Variants in PCDHGA2 observed in about 807,000 individuals in gnomAD.
PCDHGA2 encodes protocadherin gamma-A2.
In PCDHGA2, 40 loss-of-function variants were observed where a neutral mutation model predicts 59.2. The observed-to-expected ratio is 0.68, with a 90% CI of 0.52 to 0.88. PCDHGA2 has a LOEUF of 0.88. Ranked by LOEUF, PCDHGA2 falls within the 40% of genes least tolerant of loss-of-function variation. The pLI is 0.00. For missense variants in PCDHGA2, 1,226 were observed against 1,204.0 expected, an observed-to-expected ratio of 1.02 and a Z score of -0.27; for synonymous variants, 560 against 526.0, an observed-to-expected ratio of 1.06 and a Z score of -0.89.
intron 1 of PCDHGA2, chr5:141,352,555 C>T (rs1448531840): frequency 6.2e-7 from 1 of 1,613,890 alleles, no homozygotes; most frequent in Non-Finnish European, 8.5e-7. Context: ...ATTCTCTCAA[C>T]CTGACACCGG....
At chr5:141,387,354 CA>C (rs1037365285) in intron 1 of PCDHGA2, among the ~76,000 whole-genome samples, 7 of 152,004 alleles carry the variant, frequency 4.6e-5, no homozygotes, top group African/African-American at 1.7e-4. Context: ...CGGTTTAGGC[CA>C]AGTCTGTGTT....
In PCDHGA2 at chr5:141,477,279, C is replaced by T. The variant is rs2099408674; in HGVS notation, c.2425-17528C>T. ...GATGCTGGCGAGAACGGGCTGGTGA[C>T]CTGCGAAGTTCCACCGGGTCTCCCT... is the stretch of plus-strand genomic sequence containing the variant. On this transcript the variant is annotated intron_variant, in intron 1 of 3. Transcript: ENST00000394576. The surrounding 1 kb of genome is among the most constrained non-coding windows in gnomAD (Gnocchi z 4.9). 6.2e-7 allele frequency: 1 copy of T among 1,614,054 alleles called. No individual in the cohort carries two copies. Among genetic ancestry groups the T allele is most frequent in the Non-Finnish European group, 8.5e-7 (1 of 1,180,050 alleles).
Position 141,431,991 on chromosome 5 carries a change from A to G in PCDHGA2, c.2425-62816A>G. 1.2e-6 allele frequency: 2 copies of G among 1,614,218 alleles called. No individual in the cohort carries two copies. The highest frequency in any genetic ancestry group is 1.7e-6 in the Non-Finnish European group (2 of 1,180,042). On this transcript the variant is annotated intron_variant, in intron 1 of 3. Transcript: ENST00000394576. The surrounding 1 kb of genome is among the most constrained non-coding windows in gnomAD (Gnocchi z 4.8). The stretch of plus-strand genomic sequence containing the variant: ...AGTTTAGTCACAGACATAGTCTTGG[A>G]TAGGGAACAGGTTCCTAGCTACAAC...
chr5:141,478,414 C>T, intron 1 of PCDHGA2: 1 of 1,613,630 alleles, frequency 6.2e-7, no homozygotes, highest in Non-Finnish European at 8.5e-7. Context: ...CCACGGACTC[C>T]CGCCGCAGCG....
intron 1 of PCDHGA2, chr5:141,389,933 G>T: frequency 1.9e-6 from 3 of 1,614,068 alleles, no homozygotes; most frequent in Non-Finnish European, 2.5e-6. Context: ...CTGACCTCCA[G>T]GCTGAGCTGC....
rs1235728365 is a variant in PCDHGA2 at position 141,485,502 on chromosome 5, C to T, written c.2425-9305C>T. ...TGCATCGTGCCCCTGGAGTTTGTCACCGAAGGTCCTTTGGAAATGTACCGA... is the reference window on the plus strand; with the variant it reads ...TGCATCGTGCCCCTGGAGTTTGTCATCGAAGGTCCTTTGGAAATGTACCGA... On this transcript the variant is annotated intron_variant, in intron 1 of 3. Transcript: ENST00000394576. This position sits in a 1 kb window ranked among gnomAD's most constrained non-coding sequence, Gnocchi z 5.7. 2 of 1,614,114 alleles carry T rather than the reference C, an allele frequency of 1.2e-6. No homozygotes were observed. Among genetic ancestry groups the T allele is most frequent in the Non-Finnish European group, 8.5e-7 (1 of 1,180,044 alleles).
At chr5:141,418,743 A>G in intron 1 of PCDHGA2, 5 of 1,613,954 alleles carry the variant, frequency 3.1e-6, no homozygotes, top group African/African-American at 1.3e-5. Context: ...TTCTCTCTGG[A>G]TTACACTACA....
intron 1 of PCDHGA2, among the ~76,000 whole-genome samples, chr5:141,461,004 T>C (rs2099006736): frequency 6.6e-6 from 1 of 151,664 alleles, no homozygotes; most frequent in Non-Finnish European, 1.5e-5. Context: ...TATGTGTATA[T>C]ATATATACCA....
chr5:141,435,838 C>T (rs1037110579), intron 1 of PCDHGA2, among the ~76,000 whole-genome samples: 1 of 152,062 alleles, frequency 6.6e-6, no homozygotes, highest in Non-Finnish European at 1.5e-5. Context: ...TGCCTATCTA[C>T]TTTGAAAGAT....
At position 141,485,800 on chromosome 5, in the gene PCDHGA2, C is replaced by T. The variant is rs1231777430; in HGVS notation, c.2425-9007C>T. On this transcript the variant is annotated intron_variant, in intron 1 of 3. Coordinates refer to ENST00000394576, the MANE Select transcript of PCDHGA2 (RefSeq NM_018915.4). This position sits in a 1 kb window ranked among gnomAD's most constrained non-coding sequence, Gnocchi z 5.7. The stretch of plus-strand genomic sequence containing the variant: ...ATCGAGAGAAGCAATCGGACTACCG[C>T]CTGGTGCTGACTGCTGTCGATGGAG... 1 of 1,614,228 alleles carries T rather than the reference C, an allele frequency of 6.2e-7. No homozygotes were observed. Among genetic ancestry groups the T allele is most frequent in the East Asian group, 2.2e-5 (1 of 44,878 alleles).
At chr5:141,402,025 AAC>A (rs1265000731) in intron 1 of PCDHGA2, among the ~76,000 whole-genome samples, 9 of 152,192 alleles carry the variant, frequency 5.9e-5, no homozygotes, top group African/African-American at 1.7e-4. Flanking sequence ...GAATCATTGA[AAC>A]ACAGTCTGTG....
chr5:141,470,671 C>T (rs2099236433), intron 1 of PCDHGA2, among the ~76,000 whole-genome samples: 1 of 152,064 alleles, frequency 6.6e-6, no homozygotes, highest in African/African-American at 2.4e-5. Context: ...TAGGGCTCTG[C>T]TGTTACCATC....
chr5:141,394,312 C>G (rs903124736), intron 1 of PCDHGA2: 3 of 1,613,908 alleles, frequency 1.9e-6, no homozygotes, highest in African/African-American at 1.3e-5. Context: ...CAGGGGGCGC[C>G]CCTGTCCTCG....
intron 1 of PCDHGA2, chr5:141,377,304 A>G (rs1051630740): frequency 2.6e-5 from 4 of 152,154 alleles, no homozygotes; most frequent in African/African-American, 9.7e-5. Context: ...GGTCAGTGTT[A>G]AAGATCAAGA....
chr5:141,389,135 T>C (rs547733890), intron 1 of PCDHGA2: 2 of 1,613,982 alleles, frequency 1.2e-6, no homozygotes, highest in Admixed American at 1.7e-5. Context: ...CAGAGTACAA[T>C]ATAACCGTTA....
intron 1 of PCDHGA2, chr5:141,364,540 T>C (rs1380715716): frequency 1.9e-6 from 3 of 1,614,050 alleles, no homozygotes; most frequent in Admixed American, 1.7e-5. Flanking sequence ...TCTCCAGAGG[T>C]AGGACGCAGC....
At position 141,410,845 on chromosome 5, in the gene PCDHGA2, TTGTC is replaced by T. The variant is rs1434874838; in HGVS notation, c.2424+69452_2424+69455del. 23 of 429,726 alleles carry T rather than the reference TTGTC, an allele frequency of 5.4e-5. 1 individual carries two copies. Among genetic ancestry groups the T allele is most frequent in the Admixed American group, 8.8e-5 (2 of 22,654 alleles). The allele number at this position is 429,726 out of a possible 1,614,324, so 26.6% of individuals were successfully genotyped here. A position where few individuals can be genotyped will look rare whatever the true frequency, so the allele number is the denominator to read the frequency against. Reference sequence around the variant, plus strand: ...TCACCAGACTGAAGATATTTTGTCTTTGTCTTTTTTTTTTTTTTTTTTTTTTGAG... The same window carrying T: ...TCACCAGACTGAAGATATTTTGTCTTTTTTTTTTTTTTTTTTTTTTTTGAG... On this transcript the variant is annotated intron_variant, in intron 1 of 3. Transcript: ENST00000394576.
At position 141,473,122 on chromosome 5, in the gene PCDHGA2, T is replaced by C. The variant is rs533113606; in HGVS notation, c.2425-21685T>C. On this transcript the variant is annotated intron_variant, in intron 1 of 3. Coordinates refer to ENST00000394576, the MANE Select transcript of PCDHGA2 (RefSeq NM_018915.4). ...TATTACCACACTTTACTTGGCTCTT[T>C]GGCAAACTATATTATCTCTTCAGAT... Among the ~76,000 whole-genome samples, 3 of 152,362 alleles carry C rather than the reference T, an allele frequency of 2.0e-5. No homozygotes were observed. In the East Asian group the frequency reaches 5.8e-4, roughly 29 times the overall value.
intron 1 of PCDHGA2, chr5:141,375,181 C>A (rs868598149): frequency 4.3e-6 from 7 of 1,613,836 alleles, no homozygotes; most frequent in Non-Finnish European, 5.9e-6. Flanking sequence ...GAACAGTAAT[C>A]GCCCTTTTTC....
Sources: gnomAD v4.1 joint callset for allele counts (sites outside exome capture counted in the v4.1 genomes callset) on GRCh38, gnomAD v4.1.1 for gene constraint, Gnocchi (gnomAD v3.1) non-coding constraint, MANE v1.5 for transcripts, NCBI Gene and HGNC (gene_info 2026-07-23, HGNC 2026-07-21) for gene names.